DENND1A: variants seen among roughly 807,000 people sequenced by gnomAD.
The protein encoded by DENND1A is DENN domain-containing protein 1A.
DENND1A carries 51 observed loss-of-function variants against 113.7 expected under a neutral mutation model. The ratio of observed to expected loss-of-function variants is 0.45; its 90% CI spans 0.36 to 0.57. The LOEUF is 0.57. DENND1A is among the 20% of genes least tolerant of loss of function. The probability of loss-of-function intolerance (pLI) is 0.00; values close to 1 mark genes in which losing one functional copy is unlikely to be tolerated. For missense variants in DENND1A, 1,258 were observed against 1,395.9 expected (o/e 0.90, Z 1.57); for synonymous variants, 565 against 570.8 (o/e 0.99, Z 0.14).
At chr9:123,506,164 G>C (rs1487631581) in intron 13 of DENND1A, among the ~76,000 whole-genome samples, 1 of 152,148 alleles carries the variant, frequency 6.6e-6, no homozygotes, top group African/African-American at 2.4e-5. Flanking sequence ...TAACTTTTCT[G>C]TGCTTTAGTT....
chr9:123,524,034 G>A (rs2054607429), intron 13 of DENND1A, among the ~76,000 whole-genome samples: 1 of 152,204 alleles, frequency 6.6e-6, no homozygotes, highest in Non-Finnish European at 1.5e-5. Context: ...TGGTATTAGA[G>A]AAAAAGAGTG....
chr9:123,523,578 G>T (rs1198096336), intron 13 of DENND1A, among the ~76,000 whole-genome samples: 1 of 152,288 alleles, frequency 6.6e-6, no homozygotes, highest in East Asian at 1.9e-4. Context: ...AGTTGAAATT[G>T]AAAAACTGTA....
chr9:123,881,506 G>C (rs1050849678), intron 1 of DENND1A, among the ~76,000 whole-genome samples: 1 of 152,126 alleles, frequency 6.6e-6, no homozygotes, highest in African/African-American at 2.4e-5. Context: ...CATTCCTTTG[G>C]ATTAATATAA....
chr9:123,892,693 T>C (rs1564457108), intron 1 of DENND1A, among the ~76,000 whole-genome samples: 1 of 152,220 alleles, frequency 6.6e-6, no homozygotes, highest in Non-Finnish European at 1.5e-5. Context: ...CTGCACATCC[T>C]ACACATGTAT....
At chr9:123,714,057 G>A (rs922650539) in intron 5 of DENND1A, among the ~76,000 whole-genome samples, 25 of 152,194 alleles carry the variant, frequency 1.6e-4, no homozygotes, top group Non-Finnish European at 7.3e-5. Flanking sequence ...AAGCATGCTT[G>A]CCTAGCAAGT....
At chr9:123,609,799 C>G (rs2060330939) in intron 10 of DENND1A, among the ~76,000 whole-genome samples, 1 of 152,142 alleles carries the variant, frequency 6.6e-6, no homozygotes, top group South Asian at 2.1e-4. Context: ...GGATTCCAGC[C>G]AGCACGTTGT....
intron 9 of DENND1A, among the ~76,000 whole-genome samples, chr9:123,640,031 G>A (rs956935352): frequency 3.2e-4 from 48 of 152,100 alleles, no homozygotes; most frequent in Non-Finnish European, 1.3e-4. Flanking sequence ...TAGGGAAGTT[G>A]AGCTCTGGAT....
Position 123,652,088 on chromosome 9 carries a change from A to T in DENND1A, c.543T>A (p.Val181=). The change falls in exon 9 of 24, where the codon GTT becomes GTA. Residue 181 remains valine (V), a synonymous_variant. Coordinates refer to ENST00000394215, the MANE Select transcript of DENND1A (RefSeq NM_001352964.2). ...NLTEYFVAVD[V]NNMLHLYASM... ...TGGCGTACAGATGCAACATGTTGTT[A>T]ACATCCACAGCCACAAAATATTCTG... The T allele has an allele frequency of 6.2e-7, 1 of 1,614,184 alleles. No individual in the cohort carries two copies. Among genetic ancestry groups the T allele is most frequent in the Non-Finnish European group, 8.5e-7 (1 of 1,180,028 alleles).
At chr9:123,474,144 A>G (rs2049701333) in intron 13 of DENND1A, among the ~76,000 whole-genome samples, 1 of 151,536 alleles carries the variant, frequency 6.6e-6, no homozygotes, top group African/African-American at 2.4e-5. Flanking sequence ...ACAGGCATGC[A>G]CCACCATGCC....
chr9:123,423,070 G>A (rs1487060696), intron 19 of DENND1A, among the ~76,000 whole-genome samples: 1 of 152,210 alleles, frequency 6.6e-6, no homozygotes, highest in Non-Finnish European at 1.5e-5. Context: ...TTACAACCAA[G>A]GGGAGGGGCG....
chr9:123,861,285 G>C (rs970031254), intron 2 of DENND1A, among the ~76,000 whole-genome samples: 2 of 152,178 alleles, frequency 1.3e-5, no homozygotes, highest in African/African-American at 4.8e-5. Context: ...GCAGTTAAAA[G>C]GCACTAGCTG....
chr9:123,749,158 T>C (rs1222120186), intron 5 of DENND1A, among the ~76,000 whole-genome samples: 1 of 152,170 alleles, frequency 6.6e-6, no homozygotes, highest in Non-Finnish European at 1.5e-5. Flanking sequence ...CAGAAGACTG[T>C]CATTCACCAG....
chr9:123,413,263 C>T (rs2044456043), intron 19 of DENND1A: 2 of 348,970 alleles, frequency 5.7e-6, no homozygotes, highest in African/African-American at 2.2e-5. Context: ...TGTCAGACGC[C>T]TCAGTAATAA....
chr9:123,411,990 C>A (rs1180441609), intron 19 of DENND1A, among the ~76,000 whole-genome samples, 161 bp from the exon 20 acceptor site: 3 of 152,204 alleles, frequency 2.0e-5, no homozygotes, highest in Non-Finnish European at 2.9e-5. Flanking sequence ...TTGAGGCCGT[C>A]TCCTCTGCTC....
chr9:123,457,767 C>A, intron 14 of DENND1A, 26 bp downstream of exon 14: 1 of 1,586,970 alleles, frequency 6.3e-7, no homozygotes, highest in South Asian at 1.1e-5. Context: ...GGAGCCAGAC[C>A]CAGGCCAGAC....
intron 8 of DENND1A, among the ~76,000 whole-genome samples, chr9:123,665,991 A>G (rs1291266473): frequency 6.6e-6 from 1 of 152,234 alleles, no homozygotes; most frequent in Non-Finnish European, 1.5e-5. Context: ...TATGTGAAGT[A>G]CTATATGGAG....
intron 6 of DENND1A, among the ~76,000 whole-genome samples, chr9:123,675,740 C>T (rs141528601): frequency 3.3e-5 from 5 of 152,164 alleles, no homozygotes; most frequent in East Asian, 1.9e-4. Context: ...ATGAGAGTAT[C>T]GTGACCCAGG....
intron 9 of DENND1A, among the ~76,000 whole-genome samples, chr9:123,649,067 A>C (rs1278849026): frequency 1.3e-5 from 2 of 152,146 alleles, no homozygotes; most frequent in African/African-American, 2.4e-5. Context: ...TTTGTCAAGT[A>C]TGTTGTGGCT....
chr9:123,482,577 G>C (rs1354280660), intron 13 of DENND1A, among the ~76,000 whole-genome samples: 1 of 152,190 alleles, frequency 6.6e-6, no homozygotes, highest in African/African-American at 2.4e-5. Flanking sequence ...CACTGATTCA[G>C]TGAGTAGTTG....
Sources: gnomAD v4.1 joint callset for allele counts (sites outside exome capture counted in the v4.1 genomes callset) on GRCh38, gnomAD v4.1.1 for gene constraint, MANE v1.5 for transcripts, NCBI Gene and HGNC (gene_info 2026-07-23, HGNC 2026-07-21) for gene names.